Variants in SLC15A5 observed in about 807,000 individuals in gnomAD.
SLC15A5 encodes solute carrier family 15 member 5.
SLC15A5 carries 58 observed loss-of-function variants against 56.1 expected under a neutral mutation model. The observed-to-expected ratio is 1.03, with a 90% CI of 0.84 to 1.29. SLC15A5 has a LOEUF of 1.29. Among genes scored for constraint, SLC15A5 ranks in the 50% most tolerant of loss-of-function variants. SLC15A5 has a pLI of 0.00. For missense variants in SLC15A5, 681 were observed against 672.1 expected, an observed-to-expected ratio of 1.01 and a Z score of -0.15; for synonymous variants, 264 against 250.5, an observed-to-expected ratio of 1.05 and a Z score of -0.51.
chr12:16,223,678 C>G (rs1193666970), intron 6 of SLC15A5, among the ~76,000 whole-genome samples: 2 of 151,488 alleles, frequency 1.3e-5, no homozygotes. Context: ...TTTATATACT[C>G]TCAAAGAACA....
chr12:16,224,731 T>A (rs1023921825), intron 5 of SLC15A5, 129 bp from the exon 6 acceptor site: 130 of 979,644 alleles, frequency 1.3e-4, no homozygotes, highest in Middle Eastern at 6.6e-4. Flanking sequence ...TATTTTTTTT[T>A]AATTTTTTTA....
At chr12:16,265,451 T>C (rs1864684451) in intron 2 of SLC15A5, among the ~76,000 whole-genome samples, 1 of 152,172 alleles carries the variant, frequency 6.6e-6, no homozygotes, top group African/African-American at 2.4e-5. Context: ...TTAAATACTT[T>C]CTTGAATATT....
In SLC15A5 at chr12:16,268,238, G is replaced by A. The variant is rs1316491756; in HGVS notation, c.584+4323C>T. 4.0e-5 allele frequency among the ~76,000 whole-genome samples: 4 copies of A among 101,182 alleles called. 1 individual carries two copies. The highest frequency in any genetic ancestry group is 8.4e-5 in the Non-Finnish European group (4 of 47,800). The allele number at this position is 101,182 out of a possible 152,430, so 66.4% of individuals were successfully genotyped here. ...CTAAAATGCAAAAAAATTAGCTGGCGTGGTGGTATGAACCTGTAGTCCCAG... is the reference window on the plus strand; with the variant it reads ...CTAAAATGCAAAAAAATTAGCTGGCATGGTGGTATGAACCTGTAGTCCCAG... On this transcript the variant is annotated intron_variant, in intron 2 of 8. Transcript: ENST00000344941.
intron 2 of SLC15A5, among the ~76,000 whole-genome samples, chr12:16,264,637 A>AT (rs1337066057): frequency 6.6e-6 from 1 of 152,122 alleles, no homozygotes; most frequent in Non-Finnish European, 1.5e-5. Flanking sequence ...TAGCTCCCAT[A>AT]TTTTCCACAT....
intron 7 of SLC15A5, among the ~76,000 whole-genome samples, chr12:16,199,055 C>T (rs1863923692): frequency 6.6e-6 from 1 of 151,972 alleles, no homozygotes; most frequent in Non-Finnish European, 1.5e-5. Flanking sequence ...GGGTCTCAAC[C>T]TAAGACGTTT....
intron 8 of SLC15A5, among the ~76,000 whole-genome samples, chr12:16,193,377 C>T (rs551621961): frequency 2.0e-5 from 3 of 152,070 alleles, no homozygotes; most frequent in Non-Finnish European, 4.4e-5. Flanking sequence ...CTTTCTTATG[C>T]TGGACCATAA....
In SLC15A5 at chr12:16,269,296, G is replaced by A. The variant is rs1864726121; in HGVS notation, c.584+3265C>T. ...AACATTTTCAACAAGGTTCTCAAGT[G>A]ATAATTAAAATGAGCAACACTGCGT... is the stretch of plus-strand genomic sequence containing the variant. On this transcript the variant is annotated intron_variant, in intron 2 of 8. Transcript: ENST00000344941. This position sits in a 1 kb window ranked among gnomAD's most constrained non-coding sequence, Gnocchi z 4.7. Among the ~76,000 whole-genome samples the A allele has an allele frequency of 6.6e-6, 1 of 152,160 alleles. No homozygotes were observed. Among genetic ancestry groups the A allele is most frequent in the Non-Finnish European group, 1.5e-5 (1 of 68,034 alleles).
intron 1 of SLC15A5, among the ~76,000 whole-genome samples, chr12:16,275,928 GC>G (rs1348861183): frequency 6.6e-6 from 1 of 151,918 alleles, no homozygotes; most frequent in Non-Finnish European, 1.5e-5. Context: ...CCAAGTAGCA[GC>G]CTCATCACCA....
chr12:16,200,819 ACATT>A (rs1488874411), intron 7 of SLC15A5, among the ~76,000 whole-genome samples: 2 of 152,138 alleles, frequency 1.3e-5, no homozygotes, highest in African/African-American at 4.8e-5. Flanking sequence ...AATCAAATAA[ACATT>A]CAAGACAAAA....
chr12:16,224,079 T>G (rs1864214884), intron 6 of SLC15A5, among the ~76,000 whole-genome samples: 1 of 152,104 alleles, frequency 6.6e-6, no homozygotes, highest in Non-Finnish European at 1.5e-5. Context: ...GAGAAGAGGC[T>G]TTACATCTTA....
At chr12:16,205,809 A>G (rs1047139050) in intron 7 of SLC15A5, among the ~76,000 whole-genome samples, 14 of 151,938 alleles carry the variant, frequency 9.2e-5, no homozygotes, top group African/African-American at 3.4e-4. Context: ...AAGATGCAAT[A>G]TTTCCCCTCT....
chr12:16,199,394 A>G (rs1863928801), intron 7 of SLC15A5, among the ~76,000 whole-genome samples: 2 of 151,992 alleles, frequency 1.3e-5, no homozygotes, highest in South Asian at 4.1e-4. Context: ...AATGTGGTGA[A>G]TAAGAGATGA....
chr12:16,221,366 A>G (rs1864186662), intron 6 of SLC15A5, among the ~76,000 whole-genome samples: 1 of 152,228 alleles, frequency 6.6e-6, no homozygotes. Context: ...TGCTCAAGGA[A>G]GCCCCTCCAA....
rs1033513049 is a variant in SLC15A5 at position 16,271,072 on chromosome 12, A to G, written c.584+1489T>C. On this transcript the variant is annotated intron_variant, in intron 2 of 8. Transcript: ENST00000344941. The surrounding 1 kb of genome is among the most constrained non-coding windows in gnomAD (Gnocchi z 8.0). ...TTAAAAATCTAAATATGTTCATCCT[A>G]AATTTGGCCTGGTTCCTTACAGCTG... Among the ~76,000 whole-genome samples the G allele has an allele frequency of 4.6e-5, 7 of 152,152 alleles. No individual in the cohort carries two copies.
chr12:16,266,140 AT>A (rs1191883417), intron 2 of SLC15A5, among the ~76,000 whole-genome samples: 2 of 152,240 alleles, frequency 1.3e-5, no homozygotes, highest in African/African-American at 2.4e-5. Flanking sequence ...ACAAAAAGTT[AT>A]AATTTTCTAG....
chr12:16,205,184 A>G (rs1416213656), intron 7 of SLC15A5, among the ~76,000 whole-genome samples: 1 of 152,012 alleles, frequency 6.6e-6, no homozygotes, highest in African/African-American at 2.4e-5. Context: ...TCAATTTTAC[A>G]CTCTAAAAAA....
chr12:16,225,333 C>T (rs7306335), intron 5 of SLC15A5, among the ~76,000 whole-genome samples: 81,753 of 152,030 alleles, frequency 0.54, 22,291 homozygotes, highest in South Asian at 0.73. Flanking sequence ...AACTAGTTTA[C>T]AGTCCCACCA....
rs1864359471 is a variant in SLC15A5, at chr12:16,237,094, T to C, written c.1162+2587A>G. Among the ~76,000 whole-genome samples, 1 of 152,154 alleles carries C rather than the reference T, an allele frequency of 6.6e-6. No homozygotes were observed. The highest frequency in any genetic ancestry group is 1.5e-5 in the Non-Finnish European group (1 of 68,004). On this transcript the variant is annotated intron_variant, in intron 5 of 8. Transcript: ENST00000344941. This position sits in a 1 kb window ranked among gnomAD's most constrained non-coding sequence, Gnocchi z 4.1. ...TGTTCATTCATAATTCATATACCTA[T>C]ATACTTCACCCACATTTTCAGGCAC...
At chr12:16,232,762 C>T (rs1591650039) in intron 5 of SLC15A5, among the ~76,000 whole-genome samples, 1 of 151,660 alleles carries the variant, frequency 6.6e-6, no homozygotes, top group African/African-American at 2.4e-5. Context: ...CTAAAAATAC[C>T]AAAATTAACT....
Sources: gnomAD v4.1 joint callset for allele counts (sites outside exome capture counted in the v4.1 genomes callset) on GRCh38, gnomAD v4.1.1 for gene constraint, Gnocchi (gnomAD v3.1) non-coding constraint, MANE v1.5 for transcripts, NCBI Gene and HGNC (gene_info 2026-07-23, HGNC 2026-07-21) for gene names.